The following ADARB2 variants were observed in gnomAD, a reference collection of about 807,000 sequenced individuals.
The protein encoded by ADARB2 is adenosine deaminase RNA specific B2 (inactive).
ADARB2 carries 25 observed loss-of-function variants against 62.2 expected under a neutral mutation model. That is an observed-to-expected ratio of 0.40 (90% CI 0.29 to 0.56). ADARB2 has a LOEUF of 0.56. ADARB2 is among the 20% of genes least tolerant of loss of function. The pLI is 0.43. For synonymous variants in ADARB2, 572 were observed against 500.8 expected, an observed-to-expected ratio of 1.14 and a Z score of -1.90; for missense variants, 1,071 against 1,077.4, an observed-to-expected ratio of 0.99 and a Z score of 0.08.
chr10:1,718,064 A>G (rs1835043971), intron 1 of ADARB2, among the ~76,000 whole-genome samples: 2 of 152,128 alleles, frequency 1.3e-5, no homozygotes, highest in Non-Finnish European at 2.9e-5. Flanking sequence ...GGAAGAAAGG[A>G]AGGGAGGGAA....
intron 1 of ADARB2, among the ~76,000 whole-genome samples, chr10:1,385,324 T>C (rs562013389): frequency 1.6e-4 from 25 of 152,310 alleles, no homozygotes; most frequent in African/African-American, 4.6e-4. Flanking sequence ...TAAAAAGATC[T>C]AATGATGCTG....
chr10:1,345,331 G>T (rs1171180898), intron 3 of ADARB2, among the ~76,000 whole-genome samples: 1 of 152,174 alleles, frequency 6.6e-6, no homozygotes, highest in Non-Finnish European at 1.5e-5. Context: ...TGGCTGCTCC[G>T]CAGGTGAGGT....
At chr10:1,315,976 A>G (rs1308771558) in intron 3 of ADARB2, among the ~76,000 whole-genome samples, 2 of 152,254 alleles carry the variant, frequency 1.3e-5, no homozygotes, top group Non-Finnish European at 2.9e-5. Context: ...ATGGAGCATT[A>G]AGGGTATAAT....
chr10:1,261,788 C>T (rs1444734222), intron 4 of ADARB2, among the ~76,000 whole-genome samples: 1 of 150,444 alleles, frequency 6.6e-6, no homozygotes, highest in South Asian at 2.1e-4. Flanking sequence ...CATTCCATTA[C>T]TGGGTATATA....
At chr10:1,212,039 G>A (rs1017634417) in intron 7 of ADARB2, among the ~76,000 whole-genome samples, 3 of 152,086 alleles carry the variant, frequency 2.0e-5, no homozygotes, top group African/African-American at 4.8e-5. Flanking sequence ...TCATTTCCAC[G>A]GCCACGTGTG....
intron 3 of ADARB2, among the ~76,000 whole-genome samples, chr10:1,274,423 G>A (rs531570950): frequency 2.0e-5 from 3 of 152,284 alleles, no homozygotes; most frequent in Non-Finnish European, 2.9e-5. Flanking sequence ...AGCACACGCT[G>A]TGCTCCAGAG....
In ADARB2 at chr10:1,622,580, T is replaced by C. The variant is rs183922607; in HGVS notation, c.100+114471A>G. ...GAAAACAAAAACTTAAAAAGATGTA[T>C]ACCGTCATTAGTAATTAGGGAAATG... is the stretch of plus-strand genomic sequence containing the variant. On this transcript the variant is annotated intron_variant, in intron 1 of 9. Coordinates refer to ENST00000381312, the MANE Select transcript of ADARB2 (RefSeq NM_018702.4). Among the ~76,000 whole-genome samples, 383 of 152,244 alleles carry C rather than the reference T, an allele frequency of 2.5e-3. 3 individuals carry two copies. The highest frequency in any genetic ancestry group is 8.5e-3 in the African/African-American group (354 of 41,546).
chr10:1,260,835 G>A lies in ADARB2; in HGVS notation c.1192+10120C>T, dbSNP rs372484107. Reference sequence around the variant, plus strand: ...TTCATATGGAACCAAAAAAGAGCCCGCATCACCAAGTCAATCCTAAGCCAA... The same window carrying A: ...TTCATATGGAACCAAAAAAGAGCCCACATCACCAAGTCAATCCTAAGCCAA... On this transcript the variant is annotated intron_variant, in intron 4 of 9. Coordinates refer to ENST00000381312, the MANE Select transcript of ADARB2 (RefSeq NM_018702.4). Among the ~76,000 whole-genome samples the A allele has an allele frequency of 5.7e-3, 830 of 146,524 alleles. 2 individuals are homozygous for A. Among genetic ancestry groups the A allele is most frequent in the Non-Finnish European group, 8.4e-3 (560 of 66,358 alleles).
chr10:1,569,263 CGA>C (rs972755085), intron 1 of ADARB2, among the ~76,000 whole-genome samples: 33 of 150,880 alleles, frequency 2.2e-4, no homozygotes, highest in African/African-American at 7.3e-4. Flanking sequence ...AGACAGAGAG[CGA>C]GAGAGAGAGA....
At chr10:1,576,416 G>T (rs1833022501) in intron 1 of ADARB2, among the ~76,000 whole-genome samples, 1 of 152,116 alleles carries the variant, frequency 6.6e-6, no homozygotes. Context: ...CAGGATCACT[G>T]GAGGGGCTCA....
rs994389704 is a variant in ADARB2, at chr10:1,530,543, G to A, written c.101-151383C>T. Among the ~76,000 whole-genome samples, 13 of 152,318 alleles carry A rather than the reference G, an allele frequency of 8.5e-5. No individual in the cohort carries two copies. In the South Asian group the frequency reaches 1.9e-3, roughly 22 times the overall value. On this transcript the variant is annotated intron_variant, in intron 1 of 9. Coordinates refer to ENST00000381312, the MANE Select transcript of ADARB2 (RefSeq NM_018702.4). ...GGAGCCACAGGACGAGACTCCTTGC[G>A]GCCTGCTCTTCATGCGGAGCCTGAG... is the stretch of plus-strand genomic sequence containing the variant.
At chr10:1,372,779 A>T (rs1415235459) in intron 2 of ADARB2, among the ~76,000 whole-genome samples, 1 of 152,220 alleles carries the variant, frequency 6.6e-6, no homozygotes, top group Non-Finnish European at 1.5e-5. Context: ...TATCCCAAAT[A>T]ATTATTATTC....
chr10:1,691,610 T>C (rs1324441425), intron 1 of ADARB2, among the ~76,000 whole-genome samples: 1 of 152,166 alleles, frequency 6.6e-6, no homozygotes, highest in East Asian at 1.9e-4. Flanking sequence ...CTGGGCTAAA[T>C]AGAATGTACT....
At chr10:1,307,941 GA>G (rs1272923594) in intron 3 of ADARB2, among the ~76,000 whole-genome samples, 1 of 102,284 alleles carries the variant, frequency 9.8e-6, no homozygotes, top group East Asian at 3.2e-4. Context: ...GGGGTGGGGG[GA>G]GGGGGGAGGG....
intron 1 of ADARB2, among the ~76,000 whole-genome samples, chr10:1,649,703 C>T (rs1362232842): frequency 6.6e-6 from 1 of 152,222 alleles, no homozygotes; most frequent in Non-Finnish European, 1.5e-5. Flanking sequence ...CAGGGTGTAT[C>T]TCAGCCAGAC....
intron 1 of ADARB2, among the ~76,000 whole-genome samples, chr10:1,544,283 C>G (rs1832485510): frequency 6.6e-6 from 1 of 152,212 alleles, no homozygotes; most frequent in African/African-American, 2.4e-5. Flanking sequence ...GGTGAGTGGC[C>G]ACAGCCCCTC....
intron 7 of ADARB2, among the ~76,000 whole-genome samples, chr10:1,206,784 C>T (rs746227924): frequency 1.3e-5 from 2 of 152,182 alleles, no homozygotes; most frequent in African/African-American, 2.4e-5. Flanking sequence ...CTCAGCCCGG[C>T]CTCGTGTTTT....
At chr10:1,650,391 C>G (rs180794070) in intron 1 of ADARB2, among the ~76,000 whole-genome samples, 287 of 152,220 alleles carry the variant, frequency 1.9e-3, no homozygotes, top group African/African-American at 6.8e-3. Flanking sequence ...TTTGCTAGGA[C>G]CTTTGACAAG....
chr10:1,557,848 G>A (rs1832726829), intron 1 of ADARB2, among the ~76,000 whole-genome samples: 2 of 152,054 alleles, frequency 1.3e-5, no homozygotes, highest in Non-Finnish European at 2.9e-5. Flanking sequence ...GGAGGCGGAG[G>A]TTGCGGTGAG....
Sources: allele counts gnomAD v4.1 joint callset (sites outside exome capture counted in the v4.1 genomes callset), GRCh38; gene constraint gnomAD v4.1.1; transcripts MANE v1.5; gene names NCBI Gene and HGNC (gene_info 2026-07-23, HGNC 2026-07-21).